The following ST3GAL2 variants were observed in gnomAD, a reference collection of about 807,000 sequenced individuals.
ST3GAL2 encodes the protein CMP-N-acetylneuraminate-beta-galactosamide-alpha-2,3-sialyltransferase 2.
A neutral mutation model predicts 37.5 loss-of-function variants in ST3GAL2; 16 were observed. The observed-to-expected ratio is 0.43, with a 90% CI of 0.29 to 0.65. ST3GAL2 has a LOEUF of 0.65. Among genes scored for constraint, ST3GAL2 ranks in the 30% least tolerant of loss-of-function variants. The pLI is 0.17. For missense variants in ST3GAL2, 383 were observed against 487.8 expected (o/e 0.79, Z 2.02); for synonymous variants, 238 against 202.9 (o/e 1.17, Z -1.47).
At chr16:70,396,590 CA>C (rs534821885) in intron 2 of ST3GAL2, among the ~76,000 whole-genome samples, 1 of 151,914 alleles carries the variant, frequency 6.6e-6, no homozygotes, top group Non-Finnish European at 1.5e-5. Context: ...GAACCTGTAT[CA>C]AAAAAAAGCT....
intron 2 of ST3GAL2, among the ~76,000 whole-genome samples, chr16:70,396,315 A>AC (rs1555558303): frequency 3.4e-5 from 5 of 148,270 alleles, no homozygotes; most frequent in South Asian, 4.2e-4. Flanking sequence ...AAAAAAAAAA[A>AC]CCCACATAAA....
chr16:70,435,566 C>T (rs1471190288), intron 1 of ST3GAL2, among the ~76,000 whole-genome samples: 2 of 151,904 alleles, frequency 1.3e-5, no homozygotes, highest in African/African-American at 4.8e-5. Flanking sequence ...CCATTGCATT[C>T]CAGCCTGGGC....
intron 1 of ST3GAL2, among the ~76,000 whole-genome samples, chr16:70,435,576 C>A (rs1054217160): frequency 6.6e-6 from 1 of 151,736 alleles, no homozygotes; most frequent in African/African-American, 2.4e-5. Flanking sequence ...CCAGCCTGGG[C>A]AACAAGAGTG....
At position 70,379,909 on chromosome 16, in the gene ST3GAL2, G is replaced by C. The variant is rs545490054; in HGVS notation, c.*1780C>G. 1.3e-5 allele frequency: 2 copies of C among 152,112 alleles called. No homozygotes were observed. The highest frequency in any genetic ancestry group is 2.9e-5 in the Non-Finnish European group (2 of 68,050). 9.4% of individuals were successfully genotyped at this position (152,112 alleles called of 1,614,324 possible). A position where few individuals can be genotyped will look rare whatever the true frequency, so the allele number is the denominator to read the frequency against. On this transcript the variant is annotated 3_prime_UTR_variant, in exon 7 of 7. Coordinates refer to ENST00000342907, the MANE Select transcript of ST3GAL2 (RefSeq NM_006927.4). ...CCGCCTTGGCCTCCCAAAGTGCTGG[G>C]ATGACAGGTGTGAGCCACCGTACCT...
At chr16:70,425,340 T>C (rs1202346526) in intron 1 of ST3GAL2, among the ~76,000 whole-genome samples, 2 of 152,098 alleles carry the variant, frequency 1.3e-5, no homozygotes, top group African/African-American at 2.4e-5. Flanking sequence ...TGTGCGCCTG[T>C]AGTTCCAGCT....
At chr16:70,420,187 G>A (rs2047705502) in intron 1 of ST3GAL2, among the ~76,000 whole-genome samples, 1 of 152,088 alleles carries the variant, frequency 6.6e-6, no homozygotes, top group South Asian at 2.1e-4. Flanking sequence ...GTGGGAGGAT[G>A]GAACCAGGTG....
chr16:70,434,733 G>A (rs897791061), intron 1 of ST3GAL2, among the ~76,000 whole-genome samples: 3 of 152,198 alleles, frequency 2.0e-5, no homozygotes, highest in African/African-American at 7.2e-5. Flanking sequence ...AGCACTCAAT[G>A]AACAGCAGCC....
rs920222545 is a variant in ST3GAL2, at chr16:70,426,201, T to G, written c.-1004+12748A>C. Among the ~76,000 whole-genome samples the G allele has an allele frequency of 6.7e-4, 95 of 141,666 alleles. No homozygotes were observed. The East Asian group carries it at 7.4e-3, about 11-fold the overall frequency. 92.9% of individuals were successfully genotyped at this position (141,666 alleles called of 152,430 possible). ...AAAGCCTTTTTTTTTTTTTTTTTTT[T>G]TTTTGTTTTTGAGACTGAATCTCAC... On this transcript the variant is annotated intron_variant, in intron 1 of 6. Transcript: ENST00000342907.
At chr16:70,430,556 C>T (rs2047782892) in intron 1 of ST3GAL2, among the ~76,000 whole-genome samples, 1 of 152,308 alleles carries the variant, frequency 6.6e-6, no homozygotes, top group African/African-American at 2.4e-5. Context: ...ATGGGATCCC[C>T]ATTCCTCTCC....
At chr16:70,415,292 C>T (rs1032163610) in intron 1 of ST3GAL2, among the ~76,000 whole-genome samples, 4 of 152,156 alleles carry the variant, frequency 2.6e-5, no homozygotes, top group African/African-American at 9.7e-5. Context: ...GCAGCTGACC[C>T]TTACCGTGAA....
At chr16:70,408,890 C>CAAACAAAAAAAAAAAAAAAA (rs2047613068) in intron 1 of ST3GAL2, among the ~76,000 whole-genome samples, 1 of 59,854 alleles carries the variant, frequency 1.7e-5, no homozygotes, top group Non-Finnish European at 3.5e-5. Context: ...CTCAAAGAAA[C>CAAACAAAAAAAAAAAAAAAA]AAAAAAAAAA....
chr16:70,382,651 A>C (rs551089199), intron 6 of ST3GAL2, among the ~76,000 whole-genome samples, 154 bp downstream of exon 6: 1 of 152,194 alleles, frequency 6.6e-6, no homozygotes, highest in African/African-American at 2.4e-5. Context: ...TGGGAAAGGC[A>C]TATCTATACT....
intron 4 of ST3GAL2, among the ~76,000 whole-genome samples, chr16:70,384,910 G>A (rs961601906): frequency 6.6e-6 from 1 of 152,130 alleles, no homozygotes; most frequent in Non-Finnish European, 1.5e-5. Context: ...TCGGGAGGCT[G>A]AGGCACGAGA....
intron 1 of ST3GAL2, among the ~76,000 whole-genome samples, chr16:70,433,274 T>G (rs554618234): frequency 6.6e-6 from 1 of 152,120 alleles, no homozygotes; most frequent in African/African-American, 2.4e-5. Context: ...GGACTCTATC[T>G]AGTTCTCCAT....
chr16:70,429,573 A>G (rs576139459), intron 1 of ST3GAL2, among the ~76,000 whole-genome samples: 179 of 123,876 alleles, frequency 1.4e-3, no homozygotes, highest in African/African-American at 5.8e-3. Flanking sequence ...TGGGCAACAG[A>G]GCAAGACTCT....
At chr16:70,438,032 C>T (rs2047837932) in intron 1 of ST3GAL2, among the ~76,000 whole-genome samples, 1 of 152,198 alleles carries the variant, frequency 6.6e-6, no homozygotes. Context: ...CGCTCCTTTA[C>T]GCAGCTGTAA....
intron 1 of ST3GAL2, among the ~76,000 whole-genome samples, chr16:70,406,558 G>A (rs1232546502): frequency 6.6e-6 from 1 of 151,766 alleles, no homozygotes; most frequent in Non-Finnish European, 1.5e-5. Flanking sequence ...GAGGGTGGCG[G>A]ATCTCCTGAG....
At chr16:70,415,176 T>C (rs971224405) in intron 1 of ST3GAL2, among the ~76,000 whole-genome samples, 6 of 151,902 alleles carry the variant, frequency 3.9e-5, no homozygotes, top group Non-Finnish European at 7.4e-5. Context: ...GCCCAGCCAA[T>C]TTTTCTATTA....
Position 70,376,653 on chromosome 16 carries a change from A to G in ST3GAL2, c.*5036T>C, listed in dbSNP as rs1046705083. 3.3e-5 allele frequency: 5 copies of G among 152,298 alleles called. No individual in the cohort carries two copies. The South Asian group carries it at 8.3e-4, about 25-fold the overall frequency. 9.4% of individuals were successfully genotyped at this position (152,298 alleles called of 1,614,324 possible). ...AGGGAATACTTTTATTTTTAAAAAT[A>G]TAGTTTCAGTATTTTACCTTCCCTG... On this transcript the variant is annotated 3_prime_UTR_variant, in exon 7 of 7. Transcript: ENST00000342907.
Sources: gnomAD v4.1 joint callset for allele counts (sites outside exome capture counted in the v4.1 genomes callset) on GRCh38, gnomAD v4.1.1 for gene constraint, MANE v1.5 for transcripts, NCBI Gene and HGNC (gene_info 2026-07-23, HGNC 2026-07-21) for gene names.